Variants in C12orf42 observed in about 807,000 individuals in gnomAD.
C12orf42 encodes uncharacterized protein C12orf42.
Under a neutral mutation model 21.6 loss-of-function variants are expected in C12orf42, and 25 were observed. The observed-to-expected ratio is 1.16, with a 90% confidence interval of 0.84 to 1.62. The LOEUF is 1.62. Among genes scored for constraint, C12orf42 ranks in the 40% most tolerant of loss-of-function variants. C12orf42 has a pLI of 0.00. For missense variants in C12orf42, 483 were observed against 459.3 expected, an observed-to-expected ratio of 1.05 and a Z score of -0.47; for synonymous variants, 174 against 175.0, an observed-to-expected ratio of 0.99 and a Z score of 0.05.
At chr12:103,537,918 T>C in the C12orf42 span, among the ~76,000 whole-genome samples, 1 of 152,206 alleles carries the variant, frequency 6.6e-6, no homozygotes, top group Non-Finnish European at 1.5e-5. Context: ...AAAAGGGAGA[T>C]TTGTGGCTGT....
intron 4 of C12orf42, 96 bp from the exon 5 acceptor site, chr12:103,306,441 G>C: frequency 2.1e-6 from 3 of 1,414,440 alleles, no homozygotes; most frequent in Non-Finnish European, 2.8e-6. Context: ...GTAAACTTTT[G>C]GTTGTTTTGT....
At chr12:103,365,638 C>A (rs1389251947) in intron 4 of C12orf42, among the ~76,000 whole-genome samples, 1 of 152,006 alleles carries the variant, frequency 6.6e-6, no homozygotes, top group Non-Finnish European at 1.5e-5. Flanking sequence ...TTTCAGGATA[C>A]AAAATTAATG....
chr12:103,271,540 C>T (rs2035477658), intron 5 of C12orf42, among the ~76,000 whole-genome samples: 1 of 152,114 alleles, frequency 6.6e-6, no homozygotes, highest in South Asian at 2.1e-4. Context: ...AGTTTGCCCC[C>T]TCTGTAAAAT....
At chr12:103,362,872 A>T (rs1268878077) in intron 4 of C12orf42, among the ~76,000 whole-genome samples, 1 of 152,038 alleles carries the variant, frequency 6.6e-6, no homozygotes, top group Non-Finnish European at 1.5e-5. Flanking sequence ...AAACCTAAGG[A>T]TATTGGTGTT....
chr12:103,242,713 T>C (rs1179133119), intron 10 of C12orf42, among the ~76,000 whole-genome samples: 1 of 152,172 alleles, frequency 6.6e-6, no homozygotes, highest in Non-Finnish European at 1.5e-5. Context: ...GAATAGGTGA[T>C]GAAACATGTG....
chr12:103,420,691 G>A (rs536151364), intron 2 of C12orf42, among the ~76,000 whole-genome samples: 13 of 151,998 alleles, frequency 8.6e-5, no homozygotes, highest in Non-Finnish European at 8.8e-5. Flanking sequence ...CACCACACCC[G>A]GTTGATTTTA....
intron 3 of C12orf42, among the ~76,000 whole-genome samples, chr12:103,386,265 C>A (rs1332231650): frequency 6.6e-6 from 1 of 152,140 alleles, no homozygotes; most frequent in African/African-American, 2.4e-5. Context: ...TTGTCACACA[C>A]TCAAGCAGTA....
At chr12:103,079,995 C>T in the C12orf42 span, among the ~76,000 whole-genome samples, 1 of 152,078 alleles carries the variant, frequency 6.6e-6, no homozygotes, top group Non-Finnish European at 1.5e-5. Context: ...TATCTTATGG[C>T]TCTGGGACGG....
At chr12:103,408,185 T>C (rs916433588) in intron 2 of C12orf42, among the ~76,000 whole-genome samples, 1 of 152,130 alleles carries the variant, frequency 6.6e-6, no homozygotes, top group African/African-American at 2.4e-5. Flanking sequence ...ACATAGTATA[T>C]AGTGAACATA....
At chr12:103,229,683 T>C in the C12orf42 span, among the ~76,000 whole-genome samples, 3 of 152,232 alleles carry the variant, frequency 2.0e-5, no homozygotes, top group Non-Finnish European at 4.4e-5. Flanking sequence ...CCAGAGGGAA[T>C]GACTATATGG....
At chr12:103,505,375 A>AGGCT in the C12orf42 span, 1 of 309,354 alleles carries the variant, frequency 3.2e-6, no homozygotes, top group Non-Finnish European at 6.0e-6. Context: ...GAAAATAAGA[A>AGGCT]GGCTGCACGT....
At chr12:103,317,549 T>A (rs981474327) in intron 4 of C12orf42, among the ~76,000 whole-genome samples, 1 of 152,334 alleles carries the variant, frequency 6.6e-6, no homozygotes, top group Admixed American at 6.5e-5. Context: ...TTTAAAAACA[T>A]TGGTCTGAGA....
At chr12:103,364,433 A>G (rs1310577842) in intron 4 of C12orf42, among the ~76,000 whole-genome samples, 1 of 151,984 alleles carries the variant, frequency 6.6e-6, no homozygotes, top group Non-Finnish European at 1.5e-5. Flanking sequence ...ACCTCAAGGA[A>G]CTAGAGAAAA....
At chr12:103,307,177 A>T (rs1469286991) in intron 4 of C12orf42, among the ~76,000 whole-genome samples, 1 of 152,228 alleles carries the variant, frequency 6.6e-6, no homozygotes, top group Non-Finnish European at 1.5e-5. Context: ...ATACAGGCTT[A>T]GAGCAAGTAG....
the C12orf42 span, among the ~76,000 whole-genome samples, chr12:103,104,590 G>A: frequency 9.2e-5 from 14 of 152,278 alleles, no homozygotes; most frequent in Admixed American, 2.6e-4. Context: ...ACAGGCATGC[G>A]CCACCATGCC....
At chr12:103,531,186 T>C in the C12orf42 span, among the ~76,000 whole-genome samples, 1 of 152,194 alleles carries the variant, frequency 6.6e-6, no homozygotes, top group Admixed American at 6.5e-5. Flanking sequence ...AATTGATATA[T>C]ATGTATTCCC....
chr12:103,350,140 C>T (rs2042986387), intron 4 of C12orf42, among the ~76,000 whole-genome samples: 1 of 152,100 alleles, frequency 6.6e-6, no homozygotes, highest in Non-Finnish European at 1.5e-5. Flanking sequence ...ACAGAAGACC[C>T]CCTTATCTAC....
At chr12:103,121,373 C>G in the C12orf42 span, among the ~76,000 whole-genome samples, 1 of 152,274 alleles carries the variant, frequency 6.6e-6, no homozygotes, top group East Asian at 1.9e-4. Flanking sequence ...TGAATAGAAG[C>G]CTTTCCTTGG....
the C12orf42 span, among the ~76,000 whole-genome samples, chr12:103,206,633 G>A: frequency 0.019 from 2,911 of 151,966 alleles, 35 homozygotes; most frequent in East Asian, 0.028. Context: ...TCACTGTCTC[G>A]CCCAAGCTAG....
Sources: gnomAD v4.1 joint callset for allele counts (sites outside exome capture counted in the v4.1 genomes callset) on GRCh38, gnomAD v4.1.1 for gene constraint, MANE v1.5 for transcripts, NCBI Gene and HGNC (gene_info 2026-07-23, HGNC 2026-07-21) for gene names.